The following VCL variants were observed in gnomAD, a reference collection of about 807,000 sequenced individuals.
The protein encoded by VCL is epididymis luminal protein 114.
VCL carries 47 observed loss-of-function variants against 125.7 expected under a neutral mutation model. The ratio of observed to expected loss-of-function variants is 0.37; its 90% CI spans 0.30 to 0.48. The LOEUF is 0.48. VCL is among the 20% of genes least tolerant of loss of function. The pLI is 0.99. For synonymous variants in VCL, 458 were observed against 514.6 expected, an observed-to-expected ratio of 0.89 and a Z score of 1.49; for missense variants, 1,069 against 1,455.5, an observed-to-expected ratio of 0.73 and a Z score of 4.32.
chr10:74,016,000 TA>T (rs1410363368), intron 1 of VCL, among the ~76,000 whole-genome samples: 2 of 152,068 alleles, frequency 1.3e-5, no homozygotes, highest in Non-Finnish European at 2.9e-5. Context: ...TCTTTTTATT[TA>T]TTTGCTTTTG....
chr10:74,022,264 G>A (rs1840683857), intron 1 of VCL, among the ~76,000 whole-genome samples: 1 of 152,152 alleles, frequency 6.6e-6, no homozygotes, highest in South Asian at 2.1e-4. Flanking sequence ...TAAAACTTCA[G>A]GCCAGGCACG....
At chr10:74,033,803 C>T (rs1298782567) in intron 1 of VCL, among the ~76,000 whole-genome samples, 7 of 152,176 alleles carry the variant, frequency 4.6e-5, no homozygotes, top group African/African-American at 1.4e-4. Context: ...CTTTCCCTCT[C>T]AGAGCTGGTT....
intron 2 of VCL, among the ~76,000 whole-genome samples, chr10:74,061,121 A>G (rs1467933154): frequency 6.6e-6 from 1 of 152,208 alleles, no homozygotes; most frequent in African/African-American, 2.4e-5. Context: ...CATTCTTTAA[A>G]TACTTTTTAA....
intron 18 of VCL, among the ~76,000 whole-genome samples, chr10:74,110,131 G>T (rs1472497277): frequency 6.6e-6 from 1 of 152,160 alleles, no homozygotes; most frequent in African/African-American, 2.4e-5. Context: ...GGGAGACTTT[G>T]CTGGTGTTGG....
chr10:74,092,449 TA>T (rs1167426552), intron 10 of VCL, among the ~76,000 whole-genome samples: 12 of 152,184 alleles, frequency 7.9e-5, no homozygotes, highest in Admixed American at 4.6e-4. Context: ...CCTGGTCAAG[TA>T]AAAAGTAGAG....
chr10:74,057,432 TG>T (rs1411474707), intron 2 of VCL, among the ~76,000 whole-genome samples: 2 of 152,156 alleles, frequency 1.3e-5, no homozygotes, highest in East Asian at 1.9e-4. Context: ...AGGGATAATT[TG>T]GGGGGCCTTA....
At chr10:74,036,621 A>T (rs562193774) in intron 1 of VCL, among the ~76,000 whole-genome samples, 55 of 152,088 alleles carry the variant, frequency 3.6e-4, no homozygotes. Flanking sequence ...CCGTATTCCC[A>T]GCTACTTGGG....
In VCL at chr10:74,006,852, A is replaced by C. The variant is rs868725571; in HGVS notation, c.168+8477A>C. 3.3e-4 allele frequency among the ~76,000 whole-genome samples: 51 copies of C among 152,284 alleles called. No individual in the cohort carries two copies. The Middle Eastern group carries it at 0.01, about 30-fold the overall frequency. On this transcript the variant is annotated intron_variant, in intron 1 of 21. Coordinates refer to ENST00000211998, the MANE Select transcript of VCL (RefSeq NM_014000.3). ...AATCCAAAAAAATCTGAAATATGAG[A>C]TACTTCTGATCTGAAGCATTTCAGA...
chr10:74,109,266 T>C (rs1287180075), intron 18 of VCL, 110 bp downstream of exon 18: 1 of 1,390,270 alleles, frequency 7.2e-7, no homozygotes, highest in Non-Finnish European at 1.0e-6. Context: ...CTCTCTCTCC[T>C]TTGGTTCCTG....
intron 18 of VCL, among the ~76,000 whole-genome samples, 200 bp from the exon 19 acceptor site, chr10:74,111,705 CCACA>C (rs1216094841): frequency 6.6e-6 from 1 of 152,156 alleles, no homozygotes; most frequent in Admixed American, 6.5e-5. Context: ...TCTTCTCTCA[CCACA>C]CAGTGGCTTG....
chr10:74,087,652 G>T (rs1283773505), intron 8 of VCL, among the ~76,000 whole-genome samples: 1 of 148,884 alleles, frequency 6.7e-6, no homozygotes, highest in Non-Finnish European at 1.5e-5. Flanking sequence ...GAGCCACCGC[G>T]CCTGGCCGAA....
At chr10:74,015,399 G>A (rs1427879011) in intron 1 of VCL, among the ~76,000 whole-genome samples, 2 of 151,924 alleles carry the variant, frequency 1.3e-5, no homozygotes, top group South Asian at 2.1e-4. Flanking sequence ...CTAAAAACAC[G>A]AAAAATTAGC....
intron 2 of VCL, among the ~76,000 whole-genome samples, chr10:74,052,823 AC>A: frequency 6.6e-6 from 1 of 150,706 alleles, no homozygotes; most frequent in South Asian, 2.1e-4. Flanking sequence ...AGTGGATTAC[AC>A]AATTTTTATC....
At position 74,072,945 on chromosome 10, in the gene VCL, C is replaced by CT. The variant is rs369560544; in HGVS notation, c.622+107dup. ...ATTTTGTTTTCTTTTGTTTTCTTTT[C>CT]TTTTTTTTTTTTTTGAGATGAAGTC... On this transcript the variant is annotated intron_variant, in intron 5 of 21. Transcript: ENST00000211998. 179,337 of 1,171,168 alleles carry CT rather than the reference C, an allele frequency of 0.15. 1,082 individuals are homozygous for CT. The highest frequency in any genetic ancestry group is 0.25 in the African/African-American group (15,696 of 63,290). 72.5% of individuals were successfully genotyped at this position (1,171,168 alleles called of 1,614,324 possible). A position where few individuals can be genotyped will look rare whatever the true frequency, so the allele number is the denominator to read the frequency against.
chr10:74,037,723 T>C (rs1441920807), intron 1 of VCL, among the ~76,000 whole-genome samples: 1 of 152,228 alleles, frequency 6.6e-6, no homozygotes, highest in Non-Finnish European at 1.5e-5. Flanking sequence ...CTGATTCTTC[T>C]CTACTGGGCA....
chr10:74,108,860 T>G, intron 17 of VCL, 111 bp from the exon 18 acceptor site: 1 of 1,202,834 alleles, frequency 8.3e-7, no homozygotes, highest in Middle Eastern at 2.3e-4. Flanking sequence ...GGTGGTCTTA[T>G]GTGGAGTCAA....
intron 2 of VCL, among the ~76,000 whole-genome samples, chr10:74,060,159 T>C (rs1403598787): frequency 6.6e-6 from 1 of 151,086 alleles, no homozygotes; most frequent in East Asian, 1.9e-4. Flanking sequence ...TAAAAAATTA[T>C]CTGGGCATGG....
intron 1 of VCL, among the ~76,000 whole-genome samples, chr10:74,024,400 C>T (rs1840732003): frequency 6.6e-6 from 1 of 152,060 alleles, no homozygotes; most frequent in South Asian, 2.1e-4. Context: ...CACCTGAGGT[C>T]GGGGGTTCGA....
chr10:74,029,789 A>G (rs1164402741), intron 1 of VCL, among the ~76,000 whole-genome samples: 1 of 152,158 alleles, frequency 6.6e-6, no homozygotes, highest in African/African-American at 2.4e-5. Context: ...TATGAAGAAT[A>G]TTGTTGATGC....
Sources: gnomAD v4.1 joint callset for allele counts (sites outside exome capture counted in the v4.1 genomes callset) on GRCh38, gnomAD v4.1.1 for gene constraint, MANE v1.5 for transcripts, NCBI Gene and HGNC (gene_info 2026-07-23, HGNC 2026-07-21) for gene names.